The following MRPS9 variants were observed in gnomAD, a reference collection of about 807,000 sequenced individuals.
The protein encoded by MRPS9 is mitochondrial ribosomal protein S9, also known as small ribosomal subunit protein uS9m.
Under a neutral mutation model 59.9 loss-of-function variants are expected in MRPS9, and 45 were observed. That is an observed-to-expected ratio of 0.75 (90% CI 0.59 to 0.96). The LOEUF (loss-of-function observed/expected upper bound fraction) is 0.96, where lower values mean the gene tolerates loss of function less well. MRPS9 is among the 40% of genes least tolerant of loss of function. The probability of loss-of-function intolerance (pLI) is 0.00; values close to 1 mark genes in which losing one functional copy is unlikely to be tolerated. For synonymous variants in MRPS9, 171 were observed against 166.8 expected, an observed-to-expected ratio of 1.03 and a Z score of -0.19; for missense variants, 473 against 481.1, an observed-to-expected ratio of 0.98 and a Z score of 0.16.
At chr2:105,038,365 T>C in intron 1 of MRPS9, 138 bp downstream of exon 1, 4 of 1,191,174 alleles carry the variant, frequency 3.4e-6, no homozygotes, top group Non-Finnish European at 4.6e-6. Context: ...AGGTCTGAGG[T>C]TGGGGGGGAG....
Position 105,038,204 on chromosome 2 carries a change from T to G in MRPS9, c.112T>G (p.Leu38Val). 1.4e-5 allele frequency: 22 copies of G among 1,612,376 alleles called. No individual in the cohort carries two copies. Among genetic ancestry groups the G allele is most frequent in the Non-Finnish European group, 1.8e-5 (21 of 1,179,308 alleles). Residue 38 changes from leucine (L) to valine (V), a missense_variant, in exon 1 of 11, where the codon TTG (leucine) becomes GTG (valine). Coordinates refer to ENST00000258455, the MANE Select transcript of MRPS9 (RefSeq NM_182640.3). The stretch of plus-strand genomic sequence containing the variant: ...CCTCTGGAAAACCGCGGCCCCTGAG[T>G]TGCAAACAAATGTCAGATCCCAGGT... ...QGLWKTAAPE[L>V]QTNVRSQILR...
At chr2:105,068,711 G>A (rs191097452) in intron 2 of MRPS9, among the ~76,000 whole-genome samples, 3 of 152,200 alleles carry the variant, frequency 2.0e-5, no homozygotes, top group Admixed American at 6.5e-5. Flanking sequence ...GTATTTATAC[G>A]TCTTTTCTTT....
chr2:105,039,382 G>A (rs17685551), intron 1 of MRPS9, among the ~76,000 whole-genome samples: 69,015 of 148,842 alleles, frequency 0.46, 16,097 homozygotes, highest in East Asian at 0.67. Context: ...ATCTCTTTGA[G>A]TATATCTTTG....
chr2:105,079,935 GTC>G (rs773646805), intron 4 of MRPS9, 46 bp from the exon 5 acceptor site: 5 of 1,407,168 alleles, frequency 3.6e-6, no homozygotes, highest in Non-Finnish European at 4.0e-6. Context: ...TATTTGGTCT[GTC>G]TCTGTGTATA....
chr2:105,082,217 G>A (rs1680360988), intron 5 of MRPS9, among the ~76,000 whole-genome samples: 1 of 152,166 alleles, frequency 6.6e-6, no homozygotes, highest in Admixed American at 6.5e-5. Context: ...ATGAATCCTT[G>A]TTGCTACCAT....
chr2:105,056,523 C>G (rs915365359), intron 2 of MRPS9, among the ~76,000 whole-genome samples: 1 of 152,166 alleles, frequency 6.6e-6, no homozygotes, highest in East Asian at 1.9e-4. Flanking sequence ...TTCCAACCTT[C>G]TGGCATAACT....
chr2:105,089,031 G>A lies in MRPS9; in HGVS notation c.537G>A (p.Leu179=). Reference sequence around the variant, plus strand: ...ATTTAGAAAAACATCAAAGTCACTTGCAAGCCAAAAGTCTGCTCCCAGAAA... The same window carrying A: ...ATTTAGAAAAACATCAAAGTCACTTACAAGCCAAAAGTCTGCTCCCAGAAA... ...LLNLEKHQSH[L]QAKSLLPEKT... The change falls in exon 6 of 11, where the codon TTG becomes TTA. Residue 179 remains leucine (L), a synonymous_variant. Coordinates refer to ENST00000258455, the MANE Select transcript of MRPS9 (RefSeq NM_182640.3). The A allele has an allele frequency of 6.2e-7, 1 of 1,611,542 alleles. No homozygotes were observed.
At chr2:105,044,737 G>A (rs1180564270) in intron 1 of MRPS9, among the ~76,000 whole-genome samples, 1 of 152,140 alleles carries the variant, frequency 6.6e-6, no homozygotes, top group East Asian at 1.9e-4. Flanking sequence ...TTCAATAATC[G>A]AGACTCTTTT....
At chr2:105,083,289 C>T (rs1239511981) in intron 5 of MRPS9, among the ~76,000 whole-genome samples, 4 of 152,082 alleles carry the variant, frequency 2.6e-5, no homozygotes, top group Non-Finnish European at 4.4e-5. Context: ...GTGTAGACTG[C>T]GGGAAGTGGA....
chr2:105,094,131 A>C (rs1158988939), intron 9 of MRPS9, among the ~76,000 whole-genome samples: 1 of 152,130 alleles, frequency 6.6e-6, no homozygotes, highest in Admixed American at 6.5e-5. Context: ...CTGCTTTATC[A>C]TTTTGGATTT....
intron 2 of MRPS9, among the ~76,000 whole-genome samples, chr2:105,050,785 A>G (rs17634896): frequency 0.017 from 2,568 of 152,300 alleles, 40 homozygotes; most frequent in Non-Finnish European, 0.024. Flanking sequence ...CACCTAGAAC[A>G]TAGACTCTCT....
intron 9 of MRPS9, 99 bp from the exon 10 acceptor site, chr2:105,097,056 G>A (rs983260815): frequency 8.1e-7 from 1 of 1,235,906 alleles, no homozygotes. Flanking sequence ...ACAGTGGCAT[G>A]CAGAATATTG....
At chr2:105,076,314 T>A (rs889645407) in intron 4 of MRPS9, among the ~76,000 whole-genome samples, 1 of 152,192 alleles carries the variant, frequency 6.6e-6, no homozygotes, top group Non-Finnish European at 1.5e-5. Context: ...GGCAGCCACA[T>A]CTACACACAA....
intron 2 of MRPS9, among the ~76,000 whole-genome samples, chr2:105,069,416 C>T (rs1401569112): frequency 1.3e-5 from 2 of 151,990 alleles, no homozygotes; most frequent in Non-Finnish European, 2.9e-5. Flanking sequence ...GGTTTCACCA[C>T]GTTGGCCAGT....
intron 2 of MRPS9, among the ~76,000 whole-genome samples, chr2:105,053,725 C>T (rs73945015): frequency 0.21 from 31,475 of 152,038 alleles, 3,335 homozygotes; most frequent in Middle Eastern, 0.35. Flanking sequence ...AGAAGAGATA[C>T]TTAACATCAC....
intron 2 of MRPS9, among the ~76,000 whole-genome samples, chr2:105,070,156 C>G (rs889682752): frequency 2.0e-5 from 3 of 152,122 alleles, no homozygotes; most frequent in Non-Finnish European, 4.4e-5. Flanking sequence ...ATTTTGCACT[C>G]CAGCCTGCGT....
chr2:105,056,923 A>G (rs961644748), intron 2 of MRPS9, among the ~76,000 whole-genome samples: 4 of 152,316 alleles, frequency 2.6e-5, no homozygotes, highest in East Asian at 1.9e-4. Context: ...AAGATTTATC[A>G]TTATTAAGGC....
At chr2:105,063,792 G>C (rs972174586) in intron 2 of MRPS9, among the ~76,000 whole-genome samples, 2 of 152,086 alleles carry the variant, frequency 1.3e-5, no homozygotes, top group African/African-American at 4.8e-5. Flanking sequence ...TCTTATAGTT[G>C]GTTCTCTCAA....
In MRPS9 at chr2:105,099,873, T is replaced by C; in HGVS notation, c.*112T>C. 1.3e-6 allele frequency: 1 copy of C among 766,636 alleles called. No homozygotes were observed. The allele number at this position is 766,636 out of a possible 1,614,324, so 47.5% of individuals were successfully genotyped here. ...GAGGGCAGTACTGTCAGAAATTTCT[T>C]TGAGCTGTGAGATGGATTTATTTTT... On this transcript the variant is annotated 3_prime_UTR_variant, in exon 11 of 11. Coordinates refer to ENST00000258455, the MANE Select transcript of MRPS9 (RefSeq NM_182640.3).
Sources: allele counts gnomAD v4.1 joint callset (sites outside exome capture counted in the v4.1 genomes callset), GRCh38; gene constraint gnomAD v4.1.1; transcripts MANE v1.5; gene names NCBI Gene and HGNC (gene_info 2026-07-23, HGNC 2026-07-21).